CORIN: variants seen among roughly 807,000 people sequenced by gnomAD.
CORIN encodes corin, serine peptidase, also known as atrial natriuretic peptide-converting enzyme.
CORIN carries 117 observed loss-of-function variants against 125.3 expected under a neutral mutation model. That is an observed-to-expected ratio of 0.93 (90% CI 0.80 to 1.09). The LOEUF (loss-of-function observed/expected upper bound fraction) is 1.09, where lower values mean the gene tolerates loss of function less well. CORIN is among the 50% of genes least tolerant of loss of function. The pLI, the probability that CORIN is intolerant of heterozygous loss-of-function variation, is 0.00. For missense variants in CORIN, 1,253 were observed against 1,306.7 expected (o/e 0.96, Z 0.63); for synonymous variants, 450 against 466.4 (o/e 0.96, Z 0.45).
intron 9 of CORIN, among the ~76,000 whole-genome samples, chr4:47,677,032 G>A (rs971994131): frequency 5.3e-5 from 8 of 152,148 alleles, no homozygotes; most frequent in Middle Eastern, 3.4e-3. Flanking sequence ...TATGCATTAC[G>A]ACAAACCTAA....
At position 47,779,461 on chromosome 4, in the gene CORIN, G is replaced by A. The variant is rs187858420; in HGVS notation, c.409+7264C>T. 2.5e-3 allele frequency among the ~76,000 whole-genome samples: 383 copies of A among 150,292 alleles called. 2 individuals are homozygous for A. Among genetic ancestry groups the A allele is most frequent in the African/African-American group, 9.0e-3 (367 of 40,868 alleles). On this transcript the variant is annotated intron_variant, in intron 3 of 21. Transcript: ENST00000273857. ...CTTTTTTTTTTTTCTTTTTTAGATG[G>A]AGTTTTGCTGTTTCACCCAGGCTGG...
At chr4:47,645,313 T>A (rs1723418075) in intron 13 of CORIN, 119 bp from the exon 14 acceptor site, 2 of 586,202 alleles carry the variant, frequency 3.4e-6, no homozygotes, top group Non-Finnish European at 6.1e-6. Flanking sequence ...CAGTGGCTCA[T>A]GCCTGTAATC....
At chr4:47,711,415 C>A (rs1726835900) in intron 5 of CORIN, among the ~76,000 whole-genome samples, 1 of 152,202 alleles carries the variant, frequency 6.6e-6, no homozygotes, top group South Asian at 2.1e-4. Context: ...GGGAGCAAGT[C>A]ATTCTTCTAC....
At chr4:47,742,913 GTTCAAAAATAGATATACATGTAA>G (rs1352558006) in intron 5 of CORIN, among the ~76,000 whole-genome samples, 3 of 152,030 alleles carry the variant, frequency 2.0e-5, no homozygotes, top group Non-Finnish European at 4.4e-5. Flanking sequence ...CAATTAGAGG[GTTCAAAAATAGATATACATGTAA>G]TCATTCACTT....
At chr4:47,678,422 T>G (rs1203735696) in intron 8 of CORIN, among the ~76,000 whole-genome samples, 1 of 152,216 alleles carries the variant, frequency 6.6e-6, no homozygotes, top group Non-Finnish European at 1.5e-5. Flanking sequence ...CATCTTTGTT[T>G]TACAGATGAG....
chr4:47,649,436 C>G (rs187172756), intron 13 of CORIN, among the ~76,000 whole-genome samples: 89 of 152,324 alleles, frequency 5.8e-4, no homozygotes, highest in African/African-American at 2.1e-3. Context: ...AGGACTCCTT[C>G]CCTCAAGGGA....
intron 10 of CORIN, among the ~76,000 whole-genome samples, chr4:47,666,649 T>G (rs1448495737): frequency 6.6e-6 from 1 of 152,098 alleles, no homozygotes; most frequent in African/African-American, 2.4e-5. Flanking sequence ...AGGGTGGCAT[T>G]TATATGGGAT....
chr4:47,669,556 T>A (rs1325379437), intron 10 of CORIN, among the ~76,000 whole-genome samples: 1 of 85,474 alleles, frequency 1.2e-5, no homozygotes, highest in African/African-American at 3.6e-5. Context: ...TGCTCTTCTA[T>A]ATATATATAT....
At chr4:47,673,673 G>A (rs16860535) in intron 10 of CORIN, among the ~76,000 whole-genome samples, 4,391 of 152,140 alleles carry the variant, frequency 0.029, 231 homozygotes, top group African/African-American at 0.099. Context: ...TGCTTACACC[G>A]TTTGGAGCTG....
At chr4:47,726,034 C>A (rs1006839818) in intron 5 of CORIN, among the ~76,000 whole-genome samples, 2 of 152,026 alleles carry the variant, frequency 1.3e-5, no homozygotes, top group African/African-American at 2.4e-5. Context: ...GCAAATTTAA[C>A]CACAGTGAGA....
At chr4:47,628,986 A>G (rs762800381) in intron 16 of CORIN, among the ~76,000 whole-genome samples, 22 of 152,188 alleles carry the variant, frequency 1.4e-4, no homozygotes, top group Middle Eastern at 3.2e-3. Context: ...GGTATTATGA[A>G]GAGTGCTGCA....
rs537998100 is a variant in CORIN at position 47,656,254 on chromosome 4, C to T, written c.1736-2594G>A. Among the ~76,000 whole-genome samples the T allele has an allele frequency of 4.7e-5, 7 of 150,016 alleles. No individual in the cohort carries two copies. The South Asian group carries it at 8.4e-4, about 18-fold the overall frequency. The stretch of plus-strand genomic sequence containing the variant: ...CACTGCAGCCTCCACTTCCCAGGTT[C>T]GAGTGATTCTCATGCCTCAGCCTTC... On this transcript the variant is annotated intron_variant, in intron 12 of 21. Coordinates refer to ENST00000273857, the MANE Select transcript of CORIN (RefSeq NM_006587.4).
chr4:47,747,198 C>T (rs1339620388), intron 4 of CORIN, among the ~76,000 whole-genome samples: 1 of 151,932 alleles, frequency 6.6e-6, no homozygotes, highest in African/African-American at 2.4e-5. Flanking sequence ...AACAGTACTC[C>T]CAATTGCAGC....
At chr4:47,792,534 A>G (rs1731125345) in intron 2 of CORIN, among the ~76,000 whole-genome samples, 1 of 152,220 alleles carries the variant, frequency 6.6e-6, no homozygotes, top group Non-Finnish European at 1.5e-5. Context: ...ACATGAGAGA[A>G]AGGTCCCTTC....
chr4:47,611,743 C>T (rs1406891942), intron 19 of CORIN, among the ~76,000 whole-genome samples: 1 of 152,106 alleles, frequency 6.6e-6, no homozygotes, highest in Non-Finnish European at 1.5e-5. Context: ...TCATAAGTGG[C>T]TGTTATTATT....
At chr4:47,714,619 T>G (rs1312182745) in intron 5 of CORIN, among the ~76,000 whole-genome samples, 2 of 150,134 alleles carry the variant, frequency 1.3e-5, no homozygotes, top group Non-Finnish European at 3.0e-5. Flanking sequence ...GACTTTGTGA[T>G]GCATACAGTT....
chr4:47,683,573 G>T, intron 7 of CORIN, 158 bp downstream of exon 7: 1 of 578,032 alleles, frequency 1.7e-6, no homozygotes. Context: ...CATTACTGAG[G>T]ACAGTGACTG....
At chr4:47,765,827 C>T (rs1729706822) in intron 3 of CORIN, among the ~76,000 whole-genome samples, 1 of 152,130 alleles carries the variant, frequency 6.6e-6, no homozygotes, top group South Asian at 2.1e-4. Context: ...GTTTCATATG[C>T]TTGGAAGATT....
At chr4:47,815,105 T>G (rs1164741988) in intron 1 of CORIN, among the ~76,000 whole-genome samples, 1 of 152,168 alleles carries the variant, frequency 6.6e-6, no homozygotes, top group Non-Finnish European at 1.5e-5. Context: ...CAAAGGCAAC[T>G]TGTACAATAC....
Sources: allele counts gnomAD v4.1 joint callset (sites outside exome capture counted in the v4.1 genomes callset), GRCh38; gene constraint gnomAD v4.1.1; transcripts MANE v1.5; gene names NCBI Gene and HGNC (gene_info 2026-07-23, HGNC 2026-07-21).